POTEG: variants seen among roughly 807,000 people sequenced by gnomAD.
The protein encoded by POTEG is ANKRD26-like family C member 2.
POTEG carries 2 observed loss-of-function variants against 49.6 expected under a neutral mutation model. That is an observed-to-expected ratio of 0.04 (90% confidence interval 0.02 to 0.13). POTEG has a LOEUF of 0.13. POTEG is among the 10% of genes least tolerant of loss of function. POTEG has a pLI of 1.00. For synonymous variants in POTEG, 7 were observed against 186.6 expected (o/e 0.04, Z 7.84); for missense variants, 26 against 545.2 (o/e 0.05, Z 9.48).
intron 1 of POTEG, among the ~76,000 whole-genome samples, chr14:19,433,197 G>A (rs1884233774): frequency 6.8e-6 from 1 of 146,086 alleles, no homozygotes; most frequent in South Asian, 2.2e-4. Flanking sequence ...AAAGTGCTGG[G>A]ATTACAGGTG....
chr14:19,419,930 T>A (rs1883687518), intron 6 of POTEG, among the ~76,000 whole-genome samples: 5 of 143,308 alleles, frequency 3.5e-5, no homozygotes, highest in Admixed American at 3.5e-4. Context: ...AACCTACTCA[T>A]TTCTATAGTA....
At chr14:19,415,878 C>G (rs1259595928) in intron 7 of POTEG, among the ~76,000 whole-genome samples, 1 of 111,534 alleles carries the variant, frequency 9.0e-6, no homozygotes, top group Admixed American at 1.3e-4. Context: ...CAGAGTCTTG[C>G]TCTGTCACCC....
rs58833974 is a variant in POTEG at position 19,415,829 on chromosome 14, A to ATTT, written c.1197+456_1197+458dup. ...CAATAAATTTTAAGAATCTATTAAA[A>ATTT]TTTTTTTTTTTTTTTTTTTTTTTTT... On this transcript the variant is annotated intron_variant, in intron 7 of 10. Coordinates refer to ENST00000547848, the MANE Select transcript of POTEG (RefSeq NM_001005356.3). Among the ~76,000 whole-genome samples, 369 of 96,602 alleles carry ATTT rather than the reference A, an allele frequency of 3.8e-3. 1 individual carries two copies. The highest frequency in any genetic ancestry group is 0.01 in the African/African-American group (228 of 22,018). 63.4% of individuals were successfully genotyped at this position (96,602 alleles called of 152,430 possible). A position where few individuals can be genotyped will look rare whatever the true frequency, so the allele number is the denominator to read the frequency against.
intron 1 of POTEG, among the ~76,000 whole-genome samples, chr14:19,432,976 G>C (rs1275699326): frequency 2.3e-5 from 1 of 43,140 alleles, no homozygotes; most frequent in East Asian, 6.6e-4. Flanking sequence ...CCAGGTTGGA[G>C]TACAGTGGCG....
chr14:19,415,214 T>G (rs1387930929), intron 7 of POTEG, among the ~76,000 whole-genome samples: 1 of 143,128 alleles, frequency 7.0e-6, no homozygotes, highest in Non-Finnish European at 1.6e-5. Flanking sequence ...CCAGTTCTAA[T>G]ATATTCTAAT....
chr14:19,415,886 C>T (rs1594273914), intron 7 of POTEG, among the ~76,000 whole-genome samples: 2 of 120,790 alleles, frequency 1.7e-5, no homozygotes, highest in East Asian at 2.7e-4. Flanking sequence ...TGCTCTGTCA[C>T]CCAGGCTGGA....
At chr14:19,424,456 TA>T in intron 4 of POTEG, 154 bp from the exon 5 acceptor site, 1 of 378,448 alleles carries the variant, frequency 2.6e-6, no homozygotes. Context: ...TTCATATTTG[TA>T]AAATACCACC....
intron 8 of POTEG, among the ~76,000 whole-genome samples, chr14:19,414,305 C>G (rs1272943809): frequency 1.4e-5 from 2 of 144,776 alleles, no homozygotes; most frequent in Non-Finnish European, 3.1e-5. Flanking sequence ...AATTATTGAT[C>G]CAAAGCTCCT....
At chr14:19,417,284 G>GAATTCCAACCTCTCGTCT (rs1883613155) in intron 6 of POTEG, among the ~76,000 whole-genome samples, 1 of 150,222 alleles carries the variant, frequency 6.7e-6, no homozygotes, top group Non-Finnish European at 1.5e-5. Context: ...AAACTGCAGG[G>GAATTCCAACCTCTCGTCT]GAGAGTCTTG....
chr14:19,416,248 A>C (rs756876338), intron 7 of POTEG, 40 bp downstream of exon 7: 1 of 1,582,804 alleles, frequency 6.3e-7, no homozygotes, highest in Admixed American at 1.9e-5. Context: ...AAAACAAAAA[A>C]AACGTTAAAC....
At chr14:19,427,454 G>A (rs1472610908) in intron 3 of POTEG, among the ~76,000 whole-genome samples, 1 of 152,172 alleles carries the variant, frequency 6.6e-6, no homozygotes, top group Non-Finnish European at 1.5e-5. Context: ...CTAGCTGAAA[G>A]CTAGTACAAT....
intron 1 of POTEG, among the ~76,000 whole-genome samples, chr14:19,432,781 T>C (rs1229355660): frequency 2.1e-5 from 2 of 96,988 alleles, no homozygotes; most frequent in African/African-American, 8.4e-5. Flanking sequence ...ATGCACATTT[T>C]GACATCTGGA....
At chr14:19,426,367 G>A (rs1178855489) in intron 3 of POTEG, among the ~76,000 whole-genome samples, 1 of 148,422 alleles carries the variant, frequency 6.7e-6, no homozygotes, top group African/African-American at 2.5e-5. Flanking sequence ...CTGCCATGCT[G>A]ATTATGCCAA....
intron 1 of POTEG, among the ~76,000 whole-genome samples, chr14:19,432,330 AGAGT>A (rs1181253443): frequency 1.0e-5 from 1 of 95,650 alleles, no homozygotes; most frequent in African/African-American, 4.2e-5. Context: ...CCTGGGCAAC[AGAGT>A]GAGACTCCAT....
intron 6 of POTEG, among the ~76,000 whole-genome samples, chr14:19,419,050 T>C (rs564468377): frequency 3.0e-5 from 3 of 101,540 alleles, no homozygotes; most frequent in South Asian, 7.8e-4. Flanking sequence ...AAACGAGTAA[T>C]TGAGATTCCT....
At chr14:19,415,332 G>A (rs1410139608) in intron 7 of POTEG, among the ~76,000 whole-genome samples, 1 of 143,610 alleles carries the variant, frequency 7.0e-6, no homozygotes, top group Non-Finnish European at 1.6e-5. Context: ...GTCCCATTCT[G>A]CAAGATATGA....
At chr14:19,420,015 G>T (rs1214746202) in intron 6 of POTEG, among the ~76,000 whole-genome samples, 1 of 139,076 alleles carries the variant, frequency 7.2e-6, no homozygotes, top group South Asian at 2.4e-4. Context: ...CACACTTTTG[G>T]TATTAGCAAA....
chr14:19,415,829 A>ATATTCTTTTTTTTTTTTTTTTTT (rs1491555758), intron 7 of POTEG, among the ~76,000 whole-genome samples: 2 of 96,702 alleles, frequency 2.1e-5, no homozygotes, highest in African/African-American at 4.5e-5. Context: ...ATCTATTAAA[A>ATATTCTTTTTTTTTTTTTTTTTT]TTTTTTTTTT....
chr14:19,415,457 C>T (rs1483107029), intron 7 of POTEG, among the ~76,000 whole-genome samples: 1 of 146,530 alleles, frequency 6.8e-6, no homozygotes, highest in South Asian at 2.2e-4. Context: ...TATAAAACTG[C>T]AGATTTTCAA....
Sources: allele counts gnomAD v4.1 joint callset (sites outside exome capture counted in the v4.1 genomes callset), GRCh38; gene constraint gnomAD v4.1.1; transcripts MANE v1.5; gene names NCBI Gene and HGNC (gene_info 2026-07-23, HGNC 2026-07-21).